Variants in KHDRBS2 observed in about 807,000 individuals in gnomAD.
KHDRBS2 encodes the protein KH domain-containing, RNA-binding, signal transduction-associated protein 2.
KHDRBS2 carries 26 observed loss-of-function variants against 44.3 expected under a neutral mutation model. The ratio of observed to expected loss-of-function variants is 0.59; its 90% CI spans 0.43 to 0.81. The LOEUF (loss-of-function observed/expected upper bound fraction) is 0.81, where lower values mean the gene tolerates loss of function less well. KHDRBS2 is among the 40% of genes least tolerant of loss of function. KHDRBS2 has a pLI of 0.00. For synonymous variants in KHDRBS2, 194 were observed against 151.1 expected (o/e 1.28, Z -2.08); for missense variants, 476 against 433.1 (o/e 1.10, Z -0.88).
At chr6:62,065,055 G>A (rs929308416) in intron 2 of KHDRBS2, among the ~76,000 whole-genome samples, 2 of 152,206 alleles carry the variant, frequency 1.3e-5, no homozygotes, top group Non-Finnish European at 2.9e-5. Flanking sequence ...CTAGCCATCA[G>A]AGAAACGCAA....
At chr6:61,545,133 T>A in the KHDRBS2 span, among the ~76,000 whole-genome samples, 1 of 152,010 alleles carries the variant, frequency 6.6e-6, no homozygotes, top group Admixed American at 6.6e-5. Flanking sequence ...ACTAGCTCAA[T>A]GTTTTGTCTG....
chr6:61,578,503 C>T, the KHDRBS2 span, among the ~76,000 whole-genome samples: 5 of 152,176 alleles, frequency 3.3e-5, no homozygotes, highest in African/African-American at 7.2e-5. Context: ...AGCAGTAAAG[C>T]TTTCAGTCGG....
the KHDRBS2 span, among the ~76,000 whole-genome samples, chr6:61,615,368 A>T: frequency 1.3e-5 from 2 of 152,112 alleles, no homozygotes; most frequent in Non-Finnish European, 2.9e-5. Flanking sequence ...TATTTGGTTC[A>T]AGTCTACTTA....
At chr6:61,832,303 G>C (rs1791955924) in intron 6 of KHDRBS2, among the ~76,000 whole-genome samples, 1 of 152,130 alleles carries the variant, frequency 6.6e-6, no homozygotes, top group African/African-American at 2.4e-5. Flanking sequence ...ATAAATATAT[G>C]TTTAAGGATT....
At chr6:61,881,042 TAAG>T (rs1323386097) in intron 6 of KHDRBS2, among the ~76,000 whole-genome samples, 2 of 151,790 alleles carry the variant, frequency 1.3e-5, no homozygotes, top group Admixed American at 6.6e-5. Flanking sequence ...GGAGGAAAGA[TAAG>T]AGGAGAAATT....
chr6:61,707,261 G>A (rs1769745402), intron 7 of KHDRBS2, among the ~76,000 whole-genome samples: 1 of 151,640 alleles, frequency 6.6e-6, no homozygotes, highest in African/African-American at 2.4e-5. Context: ...GATGAGGTGG[G>A]GGATCAAGGA....
intron 6 of KHDRBS2, among the ~76,000 whole-genome samples, chr6:61,751,409 C>G (rs1777672984): frequency 6.6e-6 from 1 of 152,174 alleles, no homozygotes; most frequent in Non-Finnish European, 1.5e-5. Context: ...ATGAGATAAA[C>G]TTCCTCAGGG....
At chr6:61,905,854 CT>C (rs10676797) in intron 4 of KHDRBS2, among the ~76,000 whole-genome samples, 530 of 114,164 alleles carry the variant, frequency 4.6e-3, no homozygotes, top group Non-Finnish European at 5.4e-3. Flanking sequence ...CAAAACTTTT[CT>C]TTTTTTTTTT....
At chr6:62,064,848 T>C (rs12179458) in intron 2 of KHDRBS2, among the ~76,000 whole-genome samples, 3,386 of 150,254 alleles carry the variant, frequency 0.023, 129 homozygotes, top group African/African-American at 0.079. Flanking sequence ...ACAGGCAACC[T>C]ACAAAATGGG....
At position 61,945,113 on chromosome 6, in the gene KHDRBS2, G is replaced by GTATATATATATATA. The variant is rs61105265; in HGVS notation, c.483+32939_483+32952dup. 1.0e-3 allele frequency among the ~76,000 whole-genome samples: 15 copies of GTATATATATATATA among 14,990 alleles called. 2 individuals are homozygous for GTATATATATATATA. The highest frequency in any genetic ancestry group is 1.5e-3 in the Non-Finnish European group (13 of 8,722). The allele number at this position is 14,990 out of a possible 152,430, so 9.8% of individuals were successfully genotyped here. A position where few individuals can be genotyped will look rare whatever the true frequency, so the allele number is the denominator to read the frequency against. The stretch of plus-strand genomic sequence containing the variant: ...CTTAAAAAAAAAAAAAAAAAAAAAA[G>GTATATATATATATA]TATATATATATATATATATATATAT... On this transcript the variant is annotated intron_variant, in intron 4 of 8. Coordinates refer to ENST00000281156, the MANE Select transcript of KHDRBS2 (RefSeq NM_152688.4).
At chr6:62,070,969 G>T (rs1260878173) in intron 2 of KHDRBS2, among the ~76,000 whole-genome samples, 1 of 152,124 alleles carries the variant, frequency 6.6e-6, no homozygotes, top group Non-Finnish European at 1.5e-5. Context: ...GTGTAAAAGT[G>T]TTCCTATTTC....
intron 2 of KHDRBS2, among the ~76,000 whole-genome samples, chr6:62,108,435 A>C (rs970113638): frequency 7.2e-5 from 11 of 152,210 alleles, no homozygotes; most frequent in Non-Finnish European, 1.6e-4. Flanking sequence ...ATCATTAAAA[A>C]GTCAGGAAAC....
chr6:61,987,734 A>G (rs910917808), intron 3 of KHDRBS2, among the ~76,000 whole-genome samples: 1 of 152,174 alleles, frequency 6.6e-6, no homozygotes, highest in Non-Finnish European at 1.5e-5. Flanking sequence ...TTACACACAC[A>G]AAGGGTTTTT....
intron 1 of KHDRBS2, among the ~76,000 whole-genome samples, chr6:62,205,458 T>A (rs1379909587): frequency 3.3e-5 from 5 of 152,056 alleles, no homozygotes; most frequent in Admixed American, 3.3e-4. Flanking sequence ...CAAAGTACGG[T>A]CTTCTTTATT....
rs549425807 is a variant in KHDRBS2, at chr6:61,722,802, C to A, written c.893+9880G>T. The stretch of plus-strand genomic sequence containing the variant: ...TTGGCTCACTCTAAGCTCCGCCTCC[C>A]GGGTTCACAACATTCTCCTGCCTCA... On this transcript the variant is annotated intron_variant, in intron 7 of 8. Transcript: ENST00000281156. Among the ~76,000 whole-genome samples, 306 of 151,936 alleles carry A rather than the reference C, an allele frequency of 2.0e-3. 4 individuals are homozygous for A. Among genetic ancestry groups the A allele is most frequent in the Admixed American group, 6.8e-3 (104 of 15,256 alleles).
At chr6:62,097,093 C>A (rs1278390089) in intron 2 of KHDRBS2, among the ~76,000 whole-genome samples, 4 of 151,478 alleles carry the variant, frequency 2.6e-5, no homozygotes, top group South Asian at 2.1e-4. Flanking sequence ...AGAAAAGATA[C>A]CTGATATAAT....
chr6:62,075,218 C>T (rs1273213621), intron 2 of KHDRBS2, among the ~76,000 whole-genome samples: 1 of 151,790 alleles, frequency 6.6e-6, no homozygotes, highest in Non-Finnish European at 1.5e-5. Flanking sequence ...GTGATCAGGT[C>T]ACGAGGGACA....
At chr6:61,855,455 T>G (rs554966446) in intron 6 of KHDRBS2, among the ~76,000 whole-genome samples, 1 of 149,956 alleles carries the variant, frequency 6.7e-6, no homozygotes, top group African/African-American at 2.5e-5. Context: ...CTAGGTTTCT[T>G]TGAGAATGAA....
chr6:61,833,040 T>C (rs968221067), intron 6 of KHDRBS2, among the ~76,000 whole-genome samples: 1 of 152,342 alleles, frequency 6.6e-6, no homozygotes, highest in South Asian at 2.1e-4. Flanking sequence ...TCCTTACTTA[T>C]ATGCACAAGT....
Sources: gnomAD v4.1 joint callset for allele counts (sites outside exome capture counted in the v4.1 genomes callset) on GRCh38, gnomAD v4.1.1 for gene constraint, MANE v1.5 for transcripts, NCBI Gene and HGNC (gene_info 2026-07-23, HGNC 2026-07-21) for gene names.